MYH8: variants seen among roughly 807,000 people sequenced by gnomAD.
The protein encoded by MYH8 is myosin-8.
In MYH8, 168 loss-of-function variants were observed where a neutral mutation model predicts 233.2. That is an observed-to-expected ratio of 0.72 (90% CI 0.64 to 0.82). MYH8 has a LOEUF of 0.82. MYH8 is among the 40% of genes least tolerant of loss of function. MYH8 has a pLI of 0.00. For missense variants in MYH8, 1,995 were observed against 2,327.8 expected, an observed-to-expected ratio of 0.86 and a Z score of 2.94; for synonymous variants, 785 against 850.6, an observed-to-expected ratio of 0.92 and a Z score of 1.34.
At position 10,396,887 on chromosome 17, in the gene MYH8, A is replaced by C; in HGVS notation, c.4278T>G (p.Asn1426Lys). 2 of 1,614,208 alleles carry C rather than the reference A, an allele frequency of 1.2e-6. No homozygotes were observed. Among genetic ancestry groups the C allele is most frequent in the Admixed American group, 3.3e-5 (2 of 60,026 alleles). Residue 1426 changes from asparagine (N) to lysine (K), a missense_variant, in exon 31 of 40, where the codon AAT (asparagine) becomes AAG (lysine). Physicochemically the swap from Asn to Lys is moderately conservative, Grantham distance 94 (BLOSUM62 0). Coordinates refer to ENST00000403437, the MANE Select transcript of MYH8 (RefSeq NM_002472.3). This position sits in a 1 kb window ranked among gnomAD's most constrained non-coding sequence, Gnocchi z 4.2. ...SLEKTKQRLQ[N>K]EVEDLMLDVE... Reference sequence around the variant, plus strand: ...CATCAAGCATGAGGTCTTCAACTTCATTCTGGAGCCGCTGCTTCGTCTTCT... The same window carrying C: ...CATCAAGCATGAGGTCTTCAACTTCCTTCTGGAGCCGCTGCTTCGTCTTCT...
Position 10,414,514 on chromosome 17 carries a change from A to G in MYH8, c.806-30T>C, listed in dbSNP as rs4791406. ...AGAGGGAAATAGATATCGAGTTTGA[A>G]AAAAGTATCAATGCTTCTGAGATAG... On this transcript the variant is annotated intron_variant, in intron 9 of 39. Transcript: ENST00000403437. 0.45 allele frequency: 646,309 copies of G among 1,440,310 alleles called. 152,116 individuals are homozygous for G. The highest frequency in any genetic ancestry group is 0.85 in the East Asian group (37,487 of 44,016). The allele number at this position is 1,440,310 out of a possible 1,614,324, so 89.2% of individuals were successfully genotyped here. A position where few individuals can be genotyped will look rare whatever the true frequency, so the allele number is the denominator to read the frequency against.
At chr17:10,409,878 A>G (rs1383266215) in intron 15 of MYH8, among the ~76,000 whole-genome samples, 1 of 152,244 alleles carries the variant, frequency 6.6e-6, no homozygotes, top group Non-Finnish European at 1.5e-5. Context: ...TATTCAGTGA[A>G]TAAATCTATT....
rs185325223 is a variant in MYH8 at position 10,402,407 on chromosome 17, A to C, written c.2689-622T>G. Among the ~76,000 whole-genome samples, 27 of 152,322 alleles carry C rather than the reference A, an allele frequency of 1.8e-4. 1 individual carries two copies. In the East Asian group the frequency reaches 4.6e-3, roughly 26 times the overall value. On this transcript the variant is annotated intron_variant, in intron 22 of 39. Coordinates refer to ENST00000403437, the MANE Select transcript of MYH8 (RefSeq NM_002472.3). The stretch of plus-strand genomic sequence containing the variant: ...ACAGTGCTATAATTGTTCAAAATTT[A>C]CATTTCCATTTACAGAATTACCCAT...
At chr17:10,420,308 A>G in intron 2 of MYH8, 51 bp from the exon 3 acceptor site, 1 of 1,479,408 alleles carries the variant, frequency 6.8e-7, no homozygotes, top group Non-Finnish European at 9.3e-7. Context: ...GAAGTCACAA[A>G]TGTGAGTTAG....
intron 34 of MYH8, 83 bp from the exon 35 acceptor site, chr17:10,394,535 G>T: frequency 6.7e-7 from 1 of 1,500,638 alleles, no homozygotes; most frequent in Non-Finnish European, 9.2e-7. Flanking sequence ...GATTGTACTG[G>T]TGACAGGAAC....
intron 2 of MYH8, 89 bp from the exon 3 acceptor site, chr17:10,420,346 T>C (rs2072327035): frequency 3.4e-6 from 4 of 1,181,448 alleles, no homozygotes; most frequent in Admixed American, 2.0e-5. Flanking sequence ...ATGTTGAACA[T>C]AGCCTGTGCT....
intron 35 of MYH8, 82 bp downstream of exon 35, chr17:10,394,166 TA>T: frequency 6.4e-7 from 1 of 1,550,496 alleles, no homozygotes; most frequent in Non-Finnish European, 8.9e-7. Flanking sequence ...TACACATATT[TA>T]TACAAATTGA....
intron 12 of MYH8, 144 bp downstream of exon 12, chr17:10,413,758 G>T (rs1195426862): frequency 1.8e-5 from 22 of 1,196,872 alleles, no homozygotes; most frequent in Middle Eastern, 2.8e-4. Flanking sequence ...AAGAGAGGGG[G>T]TGAGGAAAGC....
rs368169632 is a variant in MYH8 at position 10,415,563 on chromosome 17, C to A, written c.557G>T (p.Gly186Val). The A allele has an allele frequency of 1.2e-6, 2 of 1,614,068 alleles. No homozygotes were observed. Among genetic ancestry groups the A allele is most frequent in the African/African-American group, 1.3e-5 (1 of 74,938 alleles). Residue 186 changes from glycine to valine, a missense_variant, in exon 7 of 40, where the codon GGA becomes GTA. Physicochemically the swap from Gly to Val is moderately radical, Grantham distance 109. This residue lies in a region of MYH8 where 479 missense variants were observed against 600.9 expected (regional missense o/e 0.80). Coordinates refer to ENST00000403437, the MANE Select transcript of MYH8 (RefSeq NM_002472.3). This position sits in a 1 kb window ranked among gnomAD's most constrained non-coding sequence, Gnocchi z 4.1. ...SILITGESGA[G>V]KTVNTKRVIQ... The stretch of plus-strand genomic sequence containing the variant: ...GACACGCTTGGTGTTCACAGTCTTT[C>A]CGGCACCAGATTCTCCGCTGTCAAA...
In MYH8 at chr17:10,415,593, AATCAGAGAAGAG is replaced by A. The variant is rs2072283195; in HGVS notation, c.540-25_540-14del. The stretch of plus-strand genomic sequence containing the variant: ...ACCAGATTCTCCGCTGTCAAACAGA[AATCAGAGAAGAG>A]ATCAGAGAACTATGGCCTGCATTGT... On this transcript the variant is annotated splice_polypyrimidine_tract_variant and intron_variant, in intron 6 of 39. Transcript: ENST00000403437. This position sits in a 1 kb window ranked among gnomAD's most constrained non-coding sequence, Gnocchi z 4.1. 2 of 1,614,104 alleles carry A rather than the reference AATCAGAGAAGAG, an allele frequency of 1.2e-6. No individual in the cohort carries two copies. The highest frequency in any genetic ancestry group is 1.7e-5 in the Admixed American group (1 of 60,020).
At position 10,396,754 on chromosome 17, in the gene MYH8, A is replaced by G. The variant is rs372667108; in HGVS notation, c.4363-36T>C. ...ATAAATCATGAGTTGATCCAAGGAGAAAGGAAGACCGAGTAAAACACTCTT... is the reference window on the plus strand; with the variant it reads ...ATAAATCATGAGTTGATCCAAGGAGGAAGGAAGACCGAGTAAAACACTCTT... On this transcript the variant is annotated intron_variant, in intron 31 of 39. Transcript: ENST00000403437. The surrounding 1 kb of genome is among the most constrained non-coding windows in gnomAD (Gnocchi z 4.2). 59 of 1,614,070 alleles carry G rather than the reference A, an allele frequency of 3.7e-5. No homozygotes were observed. Among genetic ancestry groups the G allele is most frequent in the Non-Finnish European group, 4.7e-5 (56 of 1,180,038 alleles).
rs2072273896 is a variant in MYH8 at position 10,414,635 on chromosome 17, TCACTGTCTAA to T, written c.806-161_806-152del. Reference sequence around the variant, plus strand: ...ACCAATTGCAGATAGACAGTGATTCTCACTGTCTAAGGGCAGCAACTGAAGCATACCTGCT... The same window carrying T: ...ACCAATTGCAGATAGACAGTGATTCTGGGCAGCAACTGAAGCATACCTGCT... On this transcript the variant is annotated intron_variant, in intron 9 of 39. Transcript: ENST00000403437. 1.6e-5 allele frequency: 11 copies of T among 675,476 alleles called. No individual in the cohort carries two copies. In the East Asian group the frequency reaches 3.0e-4, roughly 18 times the overall value. 41.8% of individuals were successfully genotyped at this position (675,476 alleles called of 1,614,324 possible).
chr17:10,395,818 A>G (rs2072073281), intron 33 of MYH8, among the ~76,000 whole-genome samples: 1 of 152,162 alleles, frequency 6.6e-6, no homozygotes, highest in Non-Finnish European at 1.5e-5. Flanking sequence ...CCGATTACAT[A>G]ATAAATGTTC....
At position 10,420,000 on chromosome 17, in the gene MYH8, C is replaced by T; in HGVS notation, c.210+18G>A. On this transcript the variant is annotated intron_variant, in intron 3 of 39. Transcript: ENST00000403437. The surrounding 1 kb of genome is among the most constrained non-coding windows in gnomAD (Gnocchi z 4.0). ...CAAGAAATAAAATGGGGAGTATTTT[C>T]TCCCTGTTTTCACTTACTGCTCCAC... 6.2e-7 allele frequency: 1 copy of T among 1,611,272 alleles called. No individual in the cohort carries two copies. The highest frequency in any genetic ancestry group is 8.5e-7 in the Non-Finnish European group (1 of 1,177,600).
At chr17:10,421,377 G>T (rs975746515) in intron 2 of MYH8, among the ~76,000 whole-genome samples, 1 of 152,158 alleles carries the variant, frequency 6.6e-6, no homozygotes, top group Non-Finnish European at 1.5e-5. Context: ...GACTGGCATG[G>T]ACTAGTCTAT....
rs1597395789 is a variant in MYH8 at position 10,390,722 on chromosome 17, G to A, written c.5665-119C>T. 9.5e-6 allele frequency: 11 copies of A among 1,163,970 alleles called. No homozygotes were observed. The East Asian group carries it at 2.4e-4, about 25-fold the overall frequency. 72.1% of individuals were successfully genotyped at this position (1,163,970 alleles called of 1,614,324 possible). A position where few individuals can be genotyped will look rare whatever the true frequency, so the allele number is the denominator to read the frequency against. Reference sequence around the variant, plus strand: ...TTCTTATGGTCTATTTAGCATATCCGACTTTAAATCTAAACAGAGTTTATA... The same window carrying A: ...TTCTTATGGTCTATTTAGCATATCCAACTTTAAATCTAAACAGAGTTTATA... On this transcript the variant is annotated intron_variant, in intron 39 of 39. Coordinates refer to ENST00000403437, the MANE Select transcript of MYH8 (RefSeq NM_002472.3).
Position 10,418,685 on chromosome 17 carries a change from G to A in MYH8, c.471C>T (p.Ile157=). The A allele has an allele frequency of 6.2e-7, 1 of 1,613,942 alleles. No individual in the cohort carries two copies. The highest frequency in any genetic ancestry group is 8.5e-7 in the Non-Finnish European group (1 of 1,179,868). The change falls in exon 5 of 40, where the codon ATC becomes ATT. Residue 157 remains isoleucine (I), a synonymous_variant. Transcript: ENST00000403437. The part of the protein sequence containing the change: ...GKKRQEAPPH[I]FSISDNAYQF... Reference sequence around the variant, plus strand: ...GATAGGCATTGTCAGAGATGGAGAAGATGTGGGGCGGGGCCTCCTGGCGCT... The same window carrying A: ...GATAGGCATTGTCAGAGATGGAGAAAATGTGGGGCGGGGCCTCCTGGCGCT...
Position 10,395,444 on chromosome 17 carries a change from T to G in MYH8, c.4654-3A>C. 1 of 1,613,858 alleles carries G rather than the reference T, an allele frequency of 6.2e-7. No individual in the cohort carries two copies. Among genetic ancestry groups the G allele is most frequent in the East Asian group, 2.2e-5 (1 of 44,888 alleles). On this transcript the variant is annotated splice_region_variant and splice_polypyrimidine_tract_variant and intron_variant, in intron 33 of 39. Coordinates refer to ENST00000403437, the MANE Select transcript of MYH8 (RefSeq NM_002472.3). ...CCTTCTTCATGTTCAAGAGATGCCT[T>G]AACAAAACAGTGATCAATTAATAAT...
In MYH8 at chr17:10,413,935, G is replaced by A. The variant is rs1480860018; in HGVS notation, c.1114C>T (p.Arg372Cys). Residue 372 changes from arginine to cysteine, a missense_variant, in exon 12 of 40, where the codon CGT becomes TGT. Coordinates refer to ENST00000403437, the MANE Select transcript of MYH8 (RefSeq NM_002472.3). Reference protein sequence around the residue: ...YGNMKFKQKQREEQAEPDGTE... With the variant: ...YGNMKFKQKQCEEQAEPDGTE... ...CCATCTGGCTCAGCTTGCTCCTCAC[G>A]CTGCTTTTGCTTGAATTTCATGTTC... is the stretch of plus-strand genomic sequence containing the variant. The A allele has an allele frequency of 7.4e-6, 12 of 1,613,714 alleles. No individual in the cohort carries two copies. Among genetic ancestry groups the A allele is most frequent in the South Asian group, 4.4e-5 (4 of 91,080 alleles).
Sources: allele counts gnomAD v4.1 joint callset (sites outside exome capture counted in the v4.1 genomes callset), GRCh38; gene constraint gnomAD v4.1.1; regional missense constraint gnomAD v4.1.1; non-coding constraint Gnocchi (gnomAD v3.1); transcripts MANE v1.5; gene names NCBI Gene and HGNC (gene_info 2026-07-23, HGNC 2026-07-21).